GABBR2: variants seen among roughly 807,000 people sequenced by gnomAD.
The protein encoded by GABBR2 is gamma-aminobutyric acid type B receptor subunit 2.
A neutral mutation model predicts 105.6 loss-of-function variants in GABBR2; 23 were observed. That is an observed-to-expected ratio of 0.22 (90% CI 0.16 to 0.31). GABBR2 has a LOEUF of 0.31. Ranked by LOEUF, GABBR2 falls within the 10% of genes least tolerant of loss-of-function variation. The pLI, the probability that GABBR2 is intolerant of heterozygous loss-of-function variation, is 1.00. For synonymous variants in GABBR2, 478 were observed against 499.7 expected (o/e 0.96, Z 0.58); for missense variants, 734 against 1,245.5 (o/e 0.59, Z 6.18).
intron 3 of GABBR2, among the ~76,000 whole-genome samples, chr9:98,537,917 G>T (rs371002290): frequency 7.0e-4 from 107 of 152,304 alleles, no homozygotes; most frequent in African/African-American, 2.4e-3. Context: ...CTAGCGAGCA[G>T]CCAGAGTTGA....
chr9:98,402,304 G>C (rs75716281), intron 8 of GABBR2, among the ~76,000 whole-genome samples: 1 of 152,034 alleles, frequency 6.6e-6, no homozygotes, highest in Non-Finnish European at 1.5e-5. Context: ...TTTAGACTTC[G>C]GCAGTAACAT....
chr9:98,466,245 T>C (rs905085411), intron 6 of GABBR2, among the ~76,000 whole-genome samples: 1 of 152,000 alleles, frequency 6.6e-6, no homozygotes, highest in African/African-American at 2.4e-5. Flanking sequence ...ACTCCCTAAA[T>C]CTGAAGATAC....
intron 13 of GABBR2, among the ~76,000 whole-genome samples, chr9:98,321,472 T>C (rs1424735462): frequency 3.3e-5 from 5 of 152,194 alleles, no homozygotes; most frequent in South Asian, 2.1e-4. Context: ...CAGGGTGGCA[T>C]TGCCCGGGAG....
chr9:98,668,464 G>C lies in GABBR2; in HGVS notation c.321+39953C>G, dbSNP rs141449820. Among the ~76,000 whole-genome samples, 21 of 152,292 alleles carry C rather than the reference G, an allele frequency of 1.4e-4. No individual in the cohort carries two copies. The East Asian group carries it at 2.9e-3, about 21-fold the overall frequency. ...TGTAAAGATTGGAGGTTGGGGAGTAGAAAGCTAACATTTTAACTTTCTTAA... is the reference window on the plus strand; with the variant it reads ...TGTAAAGATTGGAGGTTGGGGAGTACAAAGCTAACATTTTAACTTTCTTAA... On this transcript the variant is annotated intron_variant, in intron 1 of 18. Transcript: ENST00000259455.
intron 1 of GABBR2, among the ~76,000 whole-genome samples, chr9:98,699,043 G>C (rs1468296969): frequency 6.6e-6 from 1 of 152,162 alleles, no homozygotes; most frequent in Admixed American, 6.5e-5. Flanking sequence ...CACCAAGGCT[G>C]ATGAACTGGC....
intron 3 of GABBR2, among the ~76,000 whole-genome samples, chr9:98,522,766 T>C (rs770409615): frequency 3.4e-4 from 51 of 152,214 alleles, no homozygotes; most frequent in Admixed American, 9.8e-4. Flanking sequence ...ATTAGTCATG[T>C]AAATATGGAT....
intron 1 of GABBR2, among the ~76,000 whole-genome samples, chr9:98,615,350 C>G (rs1366256781): frequency 1.3e-5 from 2 of 152,338 alleles, no homozygotes; most frequent in East Asian, 3.9e-4. Flanking sequence ...GTGGCATTCA[C>G]AGCAGACCAG....
At chr9:98,665,928 A>G (rs1244893983) in intron 1 of GABBR2, among the ~76,000 whole-genome samples, 4 of 152,202 alleles carry the variant, frequency 2.6e-5, no homozygotes, top group Non-Finnish European at 5.9e-5. Context: ...TGTAATCTAC[A>G]CCTATTCTGG....
intron 1 of GABBR2, among the ~76,000 whole-genome samples, chr9:98,581,503 GAGGGAGGGAGGGAGGGAGAC>G (rs67226691): frequency 0.19 from 27,679 of 149,228 alleles, 2,770 homozygotes; most frequent in Middle Eastern, 0.22. Context: ...GGAAGAGAGG[GAGGGAGGGAGGGAGGGAGAC>G]AGGGAGGGAG....
At chr9:98,451,801 T>G (rs1826234695) in intron 7 of GABBR2, among the ~76,000 whole-genome samples, 1 of 152,188 alleles carries the variant, frequency 6.6e-6, no homozygotes, top group East Asian at 1.9e-4. Context: ...AGCTTGCCAG[T>G]GTTCCAGCCC....
intron 2 of GABBR2, among the ~76,000 whole-genome samples, chr9:98,562,316 T>A (rs1209787051): frequency 2.6e-5 from 4 of 152,172 alleles, no homozygotes; most frequent in African/African-American, 9.6e-5. Context: ...GCCAAAAATA[T>A]ATGGCAACAA....
intron 7 of GABBR2, among the ~76,000 whole-genome samples, chr9:98,426,480 G>T: frequency 6.6e-6 from 1 of 152,336 alleles, no homozygotes; most frequent in African/African-American, 2.4e-5. Context: ...ACAGTGCTCA[G>T]CTCTGAGTTT....
intron 7 of GABBR2, among the ~76,000 whole-genome samples, chr9:98,413,396 G>C (rs1348778366): frequency 1.3e-5 from 2 of 152,136 alleles, no homozygotes; most frequent in African/African-American, 4.8e-5. Flanking sequence ...AAGAGAGAGA[G>C]AGAAAAATAA....
At chr9:98,479,773 C>G (rs975306704) in intron 5 of GABBR2, among the ~76,000 whole-genome samples, 1 of 152,124 alleles carries the variant, frequency 6.6e-6, no homozygotes, top group African/African-American at 2.4e-5. Context: ...GAGGTCACCT[C>G]GGCTCTCTGG....
intron 3 of GABBR2, among the ~76,000 whole-genome samples, chr9:98,532,719 A>G (rs2779591): frequency 0.96 from 146,578 of 152,268 alleles, 70,602 homozygotes; most frequent in African/African-American, 0.99. Context: ...CACTGGGGCT[A>G]GGACAGAGCC....
chr9:98,632,137 G>A (rs143889950), intron 1 of GABBR2, among the ~76,000 whole-genome samples: 1 of 152,088 alleles, frequency 6.6e-6, no homozygotes, highest in Non-Finnish European at 1.5e-5. Flanking sequence ...AGCAAGACTG[G>A]GTATCATTTA....
rs531211561 is a variant in GABBR2 at position 98,311,992 on chromosome 9, A to G, written c.1894-787T>C. ...GGGAATGAAACAACATCTACTGTAC[A>G]TTTATTTTTTTCTGAACCATTTGAG... On this transcript the variant is annotated intron_variant, in intron 13 of 18. Coordinates refer to ENST00000259455, the MANE Select transcript of GABBR2 (RefSeq NM_005458.8). 1.2e-4 allele frequency among the ~76,000 whole-genome samples: 18 copies of G among 152,336 alleles called. No homozygotes were observed. In the East Asian group the frequency reaches 3.5e-3, roughly 29 times the overall value.
intron 11 of GABBR2, among the ~76,000 whole-genome samples, chr9:98,374,738 T>C (rs1689659389): frequency 6.6e-6 from 1 of 152,196 alleles, no homozygotes; most frequent in African/African-American, 2.4e-5. Context: ...TCCGCTGTGA[T>C]AGGGCTATCA....
intron 3 of GABBR2, among the ~76,000 whole-genome samples, chr9:98,528,990 T>C (rs923806258): frequency 9.9e-5 from 15 of 152,124 alleles, no homozygotes; most frequent in African/African-American, 3.6e-4. Context: ...TCAGTAAAAA[T>C]TGGCAACTAC....
Sources: gnomAD v4.1 joint callset for allele counts (sites outside exome capture counted in the v4.1 genomes callset) on GRCh38, gnomAD v4.1.1 for gene constraint, MANE v1.5 for transcripts, NCBI Gene and HGNC (gene_info 2026-07-23, HGNC 2026-07-21) for gene names.